The following AKT3 variants were observed in gnomAD, a reference collection of about 807,000 sequenced individuals.
AKT3 encodes RAC-gamma serine/threonine-protein kinase.
A neutral mutation model predicts 65.3 loss-of-function variants in AKT3; 15 were observed. That is an observed-to-expected ratio of 0.23 (90% confidence interval 0.15 to 0.35). The LOEUF is 0.35. AKT3 is among the 10% of genes least tolerant of loss of function. The probability of loss-of-function intolerance (pLI) is 1.00; values close to 1 mark genes in which losing one functional copy is unlikely to be tolerated. For missense variants in AKT3, 243 were observed against 576.5 expected, an observed-to-expected ratio of 0.42 and a Z score of 5.92; for synonymous variants, 206 against 183.8, an observed-to-expected ratio of 1.12 and a Z score of -0.98.
intron 3 of AKT3, among the ~76,000 whole-genome samples, chr1:243,694,361 T>C (rs777730908): frequency 6.6e-6 from 1 of 152,116 alleles, no homozygotes; most frequent in African/African-American, 2.4e-5. Flanking sequence ...ATTATTTCAG[T>C]TGACAATAGG....
At chr1:243,807,473 G>C (rs1167009659) in intron 2 of AKT3, among the ~76,000 whole-genome samples, 1 of 152,230 alleles carries the variant, frequency 6.6e-6, no homozygotes, top group Non-Finnish European at 1.5e-5. Flanking sequence ...CAACGCGGCA[G>C]CAAGGCTGAG....
chr1:243,648,317 A>G (rs1558682308), intron 4 of AKT3, among the ~76,000 whole-genome samples: 1 of 152,018 alleles, frequency 6.6e-6, no homozygotes, highest in East Asian at 1.9e-4. Flanking sequence ...CTTTTTCTGT[A>G]TCTCTATAAA....
intron 13 of AKT3, among the ~76,000 whole-genome samples, chr1:243,492,010 C>T (rs955641447): frequency 2.0e-5 from 3 of 152,202 alleles, no homozygotes; most frequent in African/African-American, 7.2e-5. Flanking sequence ...CCTTCCCTCC[C>T]TGTCCTGGGT....
intron 3 of AKT3, among the ~76,000 whole-genome samples, chr1:243,665,121 A>G (rs917490578): frequency 3.3e-5 from 5 of 152,082 alleles, no homozygotes; most frequent in Non-Finnish European, 7.4e-5. Flanking sequence ...CACACATCTT[A>G]ACTCTTTCAT....
chr1:243,796,893 C>T (rs1692051871), intron 2 of AKT3, among the ~76,000 whole-genome samples: 1 of 152,016 alleles, frequency 6.6e-6, no homozygotes, highest in Non-Finnish European at 1.5e-5. Flanking sequence ...AAATACTGTA[C>T]GATCCACTTA....
At chr1:243,798,104 G>A (rs780206716) in intron 2 of AKT3, among the ~76,000 whole-genome samples, 4 of 151,092 alleles carry the variant, frequency 2.6e-5, no homozygotes, top group Non-Finnish European at 4.4e-5. Context: ...GGATGGTCTC[G>A]ATCTCCTGAC....
rs151083954 is a variant in AKT3 at position 243,503,359 on chromosome 1, T to C, written c.*1890A>G. 1 of 233,162 alleles carries C rather than the reference T, an allele frequency of 4.3e-6. No homozygotes were observed. The highest frequency in any genetic ancestry group is 1.3e-3 in the Middle Eastern group (1 of 784). The allele number at this position is 233,162 out of a possible 1,614,324, so 14.4% of individuals were successfully genotyped here. A position where few individuals can be genotyped will look rare whatever the true frequency, so the allele number is the denominator to read the frequency against. On this transcript the variant is annotated 3_prime_UTR_variant, in exon 14 of 14. Transcript: ENST00000673466. Reference sequence around the variant, plus strand: ...GTCAAGAGGCTAAGACATCTGCATATGAATATGATTCATCCTACTTAGAAA... The same window carrying C: ...GTCAAGAGGCTAAGACATCTGCATACGAATATGATTCATCCTACTTAGAAA...
At chr1:243,843,684 A>T in intron 1 of AKT3, 1 of 615,498 alleles carries the variant, frequency 1.6e-6, no homozygotes, top group Non-Finnish European at 2.0e-6. Context: ...ACGGAATCTC[A>T]CTCTGTCGCC....
intron 3 of AKT3, among the ~76,000 whole-genome samples, chr1:243,686,094 G>A (rs774382573): frequency 6.6e-6 from 1 of 152,064 alleles, no homozygotes; most frequent in Non-Finnish European, 1.5e-5. Context: ...CACTGCTCAA[G>A]GAAATAAGAG....
Position 243,501,491 on chromosome 1 carries a change from T to C in AKT3, c.*3758A>G. 1 of 233,264 alleles carries C rather than the reference T, an allele frequency of 4.3e-6. No homozygotes were observed. Among genetic ancestry groups the C allele is most frequent in the East Asian group, 6.0e-5 (1 of 16,580 alleles). 14.4% of individuals were successfully genotyped at this position (233,264 alleles called of 1,614,324 possible). ...CATCCCTGGCTTCACAGTACATCCA[T>C]CCTAAATCCAGTGCTGAGAGGTCAG... On this transcript the variant is annotated 3_prime_UTR_variant, in exon 14 of 14. Coordinates refer to ENST00000673466, the MANE Select transcript of AKT3 (RefSeq NM_005465.7).
chr1:243,719,954 C>T lies in AKT3; in HGVS notation c.47-24238G>A, dbSNP rs567849886. Among the ~76,000 whole-genome samples the T allele has an allele frequency of 8.5e-5, 13 of 152,256 alleles. No homozygotes were observed. In the South Asian group the frequency reaches 2.7e-3, roughly 32 times the overall value. ...CTACACTGAACATCTCTTGTATGTT[C>T]TTAAATACTTACTTAATAACCTTGG... On this transcript the variant is annotated intron_variant, in intron 2 of 13. Transcript: ENST00000673466.
At chr1:243,662,768 A>G (rs1414782336) in intron 4 of AKT3, among the ~76,000 whole-genome samples, 1 of 152,170 alleles carries the variant, frequency 6.6e-6, no homozygotes, top group Non-Finnish European at 1.5e-5. Context: ...GAATGTCCAA[A>G]CACCAGATTC....
chr1:243,521,856 C>G (rs1388824278), intron 12 of AKT3, among the ~76,000 whole-genome samples: 2 of 152,210 alleles, frequency 1.3e-5, no homozygotes, highest in African/African-American at 4.8e-5. Flanking sequence ...TCCCCAGAAA[C>G]TGGAACTTGT....
rs542102777 is a variant in AKT3 at position 243,726,012 on chromosome 1, C to T, written c.47-30296G>A. On this transcript the variant is annotated intron_variant, in intron 2 of 13. Transcript: ENST00000673466. ...GGTTAGTTCTCATAAAGGCCTAGTG[C>T]AGGCAGCTCTGGAATTTCATGCCTC... 3.3e-5 allele frequency among the ~76,000 whole-genome samples: 5 copies of T among 152,132 alleles called. No individual in the cohort carries two copies. The South Asian group carries it at 1.0e-3, about 32-fold the overall frequency.
At chr1:243,816,243 T>C (rs752078140) in intron 2 of AKT3, among the ~76,000 whole-genome samples, 8 of 152,356 alleles carry the variant, frequency 5.3e-5, no homozygotes, top group African/African-American at 1.2e-4. Context: ...ACATAGCAGT[T>C]TGAATTGCTT....
At chr1:243,583,166 G>GTATATATATATATA (rs1479928964) in intron 8 of AKT3, among the ~76,000 whole-genome samples, 2 of 85,820 alleles carry the variant, frequency 2.3e-5, no homozygotes, top group African/African-American at 8.3e-5. Flanking sequence ...ATGTATATGT[G>GTATATATATATATA]TGTGTATATA....
intron 2 of AKT3, among the ~76,000 whole-genome samples, chr1:243,798,393 ATTTTTT>A (rs759264137): frequency 1.9e-4 from 16 of 83,322 alleles, no homozygotes; most frequent in East Asian, 7.6e-4. Context: ...CTAATTTTTA[ATTTTTT>A]TTTTTTTTTT....
intron 6 of AKT3, among the ~76,000 whole-genome samples, chr1:243,621,335 C>G (rs1262849897): frequency 6.6e-6 from 1 of 152,180 alleles, no homozygotes; most frequent in African/African-American, 2.4e-5. Context: ...TCACTCCTTC[C>G]TCCTGAAAAC....
intron 4 of AKT3, among the ~76,000 whole-genome samples, chr1:243,652,194 T>C (rs956201551): frequency 6.6e-6 from 1 of 151,996 alleles, no homozygotes; most frequent in Admixed American, 6.6e-5. Context: ...AGTACAGGTG[T>C]CTGCCCCCAT....
Sources: gnomAD v4.1 joint callset for allele counts (sites outside exome capture counted in the v4.1 genomes callset) on GRCh38, gnomAD v4.1.1 for gene constraint, MANE v1.5 for transcripts, NCBI Gene and HGNC (gene_info 2026-07-23, HGNC 2026-07-21) for gene names.